Variants in ZNF366 observed in about 807,000 individuals in gnomAD.
ZNF366 encodes the protein zinc finger protein 366.
ZNF366 carries 20 observed loss-of-function variants against 47.2 expected under a neutral mutation model. The ratio of observed to expected loss-of-function variants is 0.42; its 90% confidence interval spans 0.30 to 0.62. The LOEUF is 0.62. Ranked by LOEUF, ZNF366 falls within the 20% of genes least tolerant of loss-of-function variation. ZNF366 has a pLI of 0.16. For synonymous variants in ZNF366, 421 were observed against 395.1 expected, an observed-to-expected ratio of 1.07 and a Z score of -0.78; for missense variants, 987 against 976.3, an observed-to-expected ratio of 1.01 and a Z score of -0.15.
chr5:72,446,206 C>T (rs1327415559), intron 4 of ZNF366, among the ~76,000 whole-genome samples: 1 of 152,204 alleles, frequency 6.6e-6, no homozygotes. Context: ...TTATCTAACA[C>T]CTCTAGGCCT....
intron 2 of ZNF366, 147 bp from the exon 3 acceptor site, chr5:72,456,742 T>C: frequency 1.3e-6 from 1 of 769,212 alleles, no homozygotes; most frequent in Non-Finnish European, 1.9e-6. Flanking sequence ...GCTTCAGCCT[T>C]GTTAAATTAC....
intron 1 of ZNF366, among the ~76,000 whole-genome samples, chr5:72,484,165 A>C (rs1455570520): frequency 6.6e-6 from 1 of 152,184 alleles, no homozygotes; most frequent in Non-Finnish European, 1.5e-5. Flanking sequence ...CTTAGCCACA[A>C]TAGTATATTA....
rs73104472 is a variant in ZNF366, at chr5:72,453,874, T to C, written c.1524+2530A>G. Among the ~76,000 whole-genome samples, 1,210 of 152,290 alleles carry C rather than the reference T, an allele frequency of 7.9e-3. 8 individuals are homozygous for C. The highest frequency in any genetic ancestry group is 0.028 in the African/African-American group (1,159 of 41,552). ...GAATGGAGAAGGCCCACCTTCTCCATTGCTTCACAAGAACGCCCTTTCACA... is the reference window on the plus strand; with the variant it reads ...GAATGGAGAAGGCCCACCTTCTCCACTGCTTCACAAGAACGCCCTTTCACA... On this transcript the variant is annotated intron_variant, in intron 3 of 4. Coordinates refer to ENST00000318442, the MANE Select transcript of ZNF366 (RefSeq NM_152625.3).
At chr5:72,484,470 C>A (rs1281507930) in intron 1 of ZNF366, among the ~76,000 whole-genome samples, 1 of 139,610 alleles carries the variant, frequency 7.2e-6, no homozygotes, top group African/African-American at 2.7e-5. Context: ...GGCGACAGAG[C>A]GAGACTCCGT....
At chr5:72,482,427 G>T (rs1352494100) in intron 1 of ZNF366, among the ~76,000 whole-genome samples, 2 of 152,158 alleles carry the variant, frequency 1.3e-5, no homozygotes, top group Non-Finnish European at 2.9e-5. Context: ...ACCAAATGCT[G>T]ACATTTGCTG....
At chr5:72,486,448 G>A (rs1192582553) in intron 1 of ZNF366, among the ~76,000 whole-genome samples, 2 of 152,174 alleles carry the variant, frequency 1.3e-5, no homozygotes, top group African/African-American at 4.8e-5. Flanking sequence ...GATTCAGGGA[G>A]GGTCTAACTG....
At chr5:72,453,205 A>G (rs1167259695) in intron 3 of ZNF366, among the ~76,000 whole-genome samples, 3 of 152,198 alleles carry the variant, frequency 2.0e-5, no homozygotes, top group African/African-American at 7.2e-5. Flanking sequence ...GCATGTTAAG[A>G]AGGAATTTTA....
Position 72,447,514 on chromosome 5 carries a change from A to G in ZNF366, c.1525-97T>C. On this transcript the variant is annotated intron_variant, in intron 3 of 4. Transcript: ENST00000318442. ...GATACCGTTTCTACTTTGTTTGGAC[A>G]TTGACATTTTAATCTGCTTGCAAGG... 3 of 1,424,262 alleles carry G rather than the reference A, an allele frequency of 2.1e-6. No individual in the cohort carries two copies. The East Asian group carries it at 7.0e-5, about 33-fold the overall frequency. 88.2% of individuals were successfully genotyped at this position (1,424,262 alleles called of 1,614,324 possible). A position where few individuals can be genotyped will look rare whatever the true frequency, so the allele number is the denominator to read the frequency against.
At chr5:72,498,884 G>T (rs1237843016) in intron 1 of ZNF366, among the ~76,000 whole-genome samples, 1 of 152,176 alleles carries the variant, frequency 6.6e-6, no homozygotes, top group Non-Finnish European at 1.5e-5. Flanking sequence ...GGCATTTTAT[G>T]TCCTAATCCT....
At chr5:72,494,115 TA>T (rs1465596359) in intron 1 of ZNF366, 1 of 152,050 alleles carries the variant, frequency 6.6e-6, no homozygotes, top group Admixed American at 6.6e-5. Context: ...TACTGTAACA[TA>T]AACGTAACAT....
Position 72,443,482 on chromosome 5 carries a change from T to C in ZNF366, c.*274A>G, listed in dbSNP as rs1034624792. 8.6e-6 allele frequency: 3 copies of C among 348,410 alleles called. No homozygotes were observed. Among genetic ancestry groups the C allele is most frequent in the African/African-American group, 6.2e-5 (3 of 48,022 alleles). 21.6% of individuals were successfully genotyped at this position (348,410 alleles called of 1,614,324 possible). On this transcript the variant is annotated 3_prime_UTR_variant, in exon 5 of 5. Coordinates refer to ENST00000318442, the MANE Select transcript of ZNF366 (RefSeq NM_152625.3). ...TTCTAAAAGCACCTCAGCATCAGCT[T>C]ACAATTAGATATCTGGAAGAATACT...
chr5:72,460,477 G>A lies in ZNF366; in HGVS notation c.1020C>T (p.Arg340=). ...QHSEVKPHNC[R]VCGRGFAYPS... ...GGTAGGCAAAGCCGCGGCCGCACAC[G>A]CGGCAGTTGTGCGGCTTCACCTCGC... Residue 340 remains arginine (R), a synonymous_variant, in exon 2 of 5, where the codon CGC becomes CGT. Coordinates refer to ENST00000318442, the MANE Select transcript of ZNF366 (RefSeq NM_152625.3). The A allele has an allele frequency of 6.2e-7, 1 of 1,613,944 alleles. No individual in the cohort carries two copies. The highest frequency in any genetic ancestry group is 1.1e-5 in the South Asian group (1 of 91,070).
intron 1 of ZNF366, among the ~76,000 whole-genome samples, chr5:72,493,918 CTTTT>C (rs70999281): frequency 1.9e-3 from 117 of 62,528 alleles, no homozygotes; most frequent in African/African-American, 7.3e-3. Flanking sequence ...CCATGCCCAG[CTTTT>C]TTTTTTTTTT....
chr5:72,482,408 A>G (rs1238183575), intron 1 of ZNF366, among the ~76,000 whole-genome samples: 1 of 152,214 alleles, frequency 6.6e-6, no homozygotes, highest in Admixed American at 6.5e-5. Context: ...TATTCTGACA[A>G]TAAGGACTAC....
Position 72,443,909 on chromosome 5 carries a change from G to C in ZNF366, c.2082C>G (p.Ala694=), listed in dbSNP as rs746758419. 16 of 1,614,138 alleles carry C rather than the reference G, an allele frequency of 9.9e-6. No individual in the cohort carries two copies. The highest frequency in any genetic ancestry group is 1.4e-5 in the Non-Finnish European group (16 of 1,180,012). The part of the protein sequence containing the change: ...GAEGGQERDC[A]GRDECLSLRA... ...TGAGACTGAGACACTCATCTCTGCC[G>C]GCACAGTCTCTCTCCTGGCCGCCCT... Residue 694 remains alanine, a synonymous_variant, in exon 5 of 5, where the codon GCC becomes GCG. Coordinates refer to ENST00000318442, the MANE Select transcript of ZNF366 (RefSeq NM_152625.3).
At chr5:72,501,085 A>G (rs1744202340) in intron 1 of ZNF366, among the ~76,000 whole-genome samples, 2 of 152,222 alleles carry the variant, frequency 1.3e-5, no homozygotes, top group Admixed American at 6.5e-5. Context: ...GATGAGGAGA[A>G]TAAGGCACGT....
chr5:72,494,064 C>T (rs551468174), intron 1 of ZNF366, among the ~76,000 whole-genome samples: 12 of 151,980 alleles, frequency 7.9e-5, no homozygotes, highest in African/African-American at 2.9e-4. Context: ...AGCCCCTACA[C>T]CCAGCCTTAA....
intron 1 of ZNF366, among the ~76,000 whole-genome samples, chr5:72,479,018 G>C (rs560533771): frequency 1.3e-5 from 2 of 152,274 alleles, no homozygotes; most frequent in East Asian, 3.9e-4. Flanking sequence ...TCCTACTTCT[G>C]TTCTAGTTTC....
chr5:72,486,394 T>TA (rs1366313769), intron 1 of ZNF366, among the ~76,000 whole-genome samples: 1 of 152,212 alleles, frequency 6.6e-6, no homozygotes, highest in African/African-American at 2.4e-5. Flanking sequence ...TGCCCAATCT[T>TA]ACAGCTCAGT....
Sources: gnomAD v4.1 joint callset for allele counts (sites outside exome capture counted in the v4.1 genomes callset) on GRCh38, gnomAD v4.1.1 for gene constraint, MANE v1.5 for transcripts, NCBI Gene and HGNC (gene_info 2026-07-23, HGNC 2026-07-21) for gene names.